DSC3: variants seen among roughly 807,000 people sequenced by gnomAD.
DSC3 encodes the protein desmocollin 3, also known as desmocollin-3.
A neutral mutation model predicts 89.5 loss-of-function variants in DSC3; 97 were observed. The ratio of observed to expected loss-of-function variants is 1.08; its 90% CI spans 0.92 to 1.28. The LOEUF is 1.28. Among genes scored for constraint, DSC3 ranks in the 50% most tolerant of loss-of-function variants. The pLI, the probability that DSC3 is intolerant of heterozygous loss-of-function variation, is 0.00. For synonymous variants in DSC3, 436 were observed against 384.1 expected (o/e 1.14, Z -1.58); for missense variants, 1,199 against 1,085.3 (o/e 1.10, Z -1.47).
At chr18:31,030,910 C>A in intron 3 of DSC3, 63 bp downstream of exon 3, 1 of 1,454,234 alleles carries the variant, frequency 6.9e-7, no homozygotes. Flanking sequence ...TTTCTCTTTG[C>A]AATTTTTAAT....
rs76765503 is a variant in DSC3 at position 31,036,712 on chromosome 18, T to A, written c.70-4436A>T. Among the ~76,000 whole-genome samples, 469 of 152,106 alleles carry A rather than the reference T, an allele frequency of 3.1e-3. 2 individuals are homozygous for A. The highest frequency in any genetic ancestry group is 0.011 in the African/African-American group (444 of 41,492). On this transcript the variant is annotated intron_variant, in intron 1 of 15. Transcript: ENST00000360428. ...ATATTAATTTAAAGAGGATTTGACA[T>A]TTAGGGCTCTTGAGACTTTCCATCC...
At chr18:31,002,996 C>T (rs1208176912) in intron 13 of DSC3, among the ~76,000 whole-genome samples, 2 of 152,306 alleles carry the variant, frequency 1.3e-5, no homozygotes, top group East Asian at 3.9e-4. Context: ...TTCCCCTTGT[C>T]CACTCTCACC....
rs374343226 is a variant in DSC3, at chr18:31,029,588, C to T, written c.395G>A (p.Arg132His). The change falls in exon 4 of 16, where the codon CGT becomes CAT. Residue 132 changes from arginine to histidine, a missense_variant. Physicochemically the swap from Arg to His is conservative, Grantham distance 29. Coordinates refer to ENST00000360428, the MANE Select transcript of DSC3 (RefSeq NM_001941.5). Reference sequence around the variant, plus strand: ...AATAGGTGCCCATCTCCTCTTGGCACGCCTGAGAACAGTTTCTCTAGTGTG... The same window carrying T: ...AATAGGTGCCCATCTCCTCTTGGCATGCCTGAGAACAGTTTCTCTAGTGTG... ...TRHTRETVLR[R>H]AKRRWAPIPC... 66 of 1,613,704 alleles carry T rather than the reference C, an allele frequency of 4.1e-5. No homozygotes were observed. In the East Asian group the frequency reaches 6.7e-4, roughly 16 times the overall value.
intron 6 of DSC3, among the ~76,000 whole-genome samples, chr18:31,022,794 C>A (rs1237438589): frequency 1.3e-5 from 2 of 152,148 alleles, no homozygotes; most frequent in East Asian, 3.9e-4. Context: ...AATTGGAATA[C>A]ATATGTGCAC....
rs1985851799 is a variant in DSC3, at chr18:31,032,994, G to A, written c.70-718C>T. On this transcript the variant is annotated intron_variant, in intron 1 of 15. Transcript: ENST00000360428. Reference sequence around the variant, plus strand: ...AGTTCAGTAAGGCTACAGGATACAAGATGAACATGTGACTGCATTTCTGTA... The same window carrying A: ...AGTTCAGTAAGGCTACAGGATACAAAATGAACATGTGACTGCATTTCTGTA... Among the ~76,000 whole-genome samples the A allele has an allele frequency of 2.6e-5, 4 of 152,052 alleles. No homozygotes were observed. In the South Asian group the frequency reaches 6.2e-4, roughly 24 times the overall value.
chr18:31,033,548 A>G (rs1054148466), intron 1 of DSC3, among the ~76,000 whole-genome samples: 2 of 152,208 alleles, frequency 1.3e-5, no homozygotes, highest in African/African-American at 2.4e-5. Context: ...TCTTCCTGAA[A>G]AAAAAGTGAA....
intron 14 of DSC3, among the ~76,000 whole-genome samples, chr18:30,997,332 G>A (rs772744143): frequency 6.6e-6 from 1 of 152,202 alleles, no homozygotes; most frequent in Non-Finnish European, 1.5e-5. Context: ...CACATTTGGC[G>A]AGGGCCCATC....
At chr18:31,010,660 G>A (rs2144696501) in intron 9 of DSC3, among the ~76,000 whole-genome samples, 1 of 152,254 alleles carries the variant, frequency 6.6e-6, no homozygotes, top group East Asian at 1.9e-4. Flanking sequence ...TCCCACATCT[G>A]CACTGAGATG....
chr18:31,003,904 T>C lies in DSC3; in HGVS notation c.2113+238A>G, dbSNP rs1313581. Among the ~76,000 whole-genome samples the C allele has an allele frequency of 0.27, 40,848 of 152,046 alleles. 5,915 individuals are homozygous for C. Among genetic ancestry groups the C allele is most frequent in the East Asian group, 0.59 (3,051 of 5,160 alleles). On this transcript the variant is annotated intron_variant, in intron 13 of 15. Transcript: ENST00000360428. The stretch of plus-strand genomic sequence containing the variant: ...AATAAAGACTATTTGTTTGTCAGAT[T>C]CTGTGAAATCTAAGGAATTTTCAAC...
chr18:31,010,259 G>GA, intron 9 of DSC3, among the ~76,000 whole-genome samples: 1 of 151,968 alleles, frequency 6.6e-6, no homozygotes, highest in Non-Finnish European at 1.5e-5. Context: ...GAGAGTCAAG[G>GA]AAAAAAATAT....
At chr18:31,026,662 G>A (rs1459498604) in intron 4 of DSC3, among the ~76,000 whole-genome samples, 1 of 152,078 alleles carries the variant, frequency 6.6e-6, no homozygotes, top group East Asian at 1.9e-4. Context: ...TGGAAGTCAA[G>A]GACACTATGT....
chr18:31,032,120 G>A (rs1234649851), intron 2 of DSC3, 72 bp downstream of exon 2: 7 of 1,059,308 alleles, frequency 6.6e-6, no homozygotes, highest in Non-Finnish European at 8.8e-6. Context: ...AAAGGCAAAG[G>A]TATTATATCA....
chr18:31,039,303 G>A (rs1986063659), intron 1 of DSC3, among the ~76,000 whole-genome samples: 1 of 152,124 alleles, frequency 6.6e-6, no homozygotes, highest in Admixed American at 6.5e-5. Context: ...GGTGTTATCT[G>A]CAGTTGTTTC....
chr18:31,031,400 T>C (rs1211199051), intron 2 of DSC3, among the ~76,000 whole-genome samples: 1 of 152,186 alleles, frequency 6.6e-6, no homozygotes, highest in Non-Finnish European at 1.5e-5. Context: ...TAAGGTGTTT[T>C]AAACCTTTAT....
At position 31,021,553 on chromosome 18, in the gene DSC3, A is replaced by G. The variant is rs148432946; in HGVS notation, c.942+783T>C. On this transcript the variant is annotated intron_variant, in intron 7 of 15. Transcript: ENST00000360428. ...TCCTTATAATATATTTTCTAGTCAT[A>G]TTGACTCTTCTATATAAGGTATTCT... Among the ~76,000 whole-genome samples, 1,377 of 152,284 alleles carry G rather than the reference A, an allele frequency of 9.0e-3. 9 individuals are homozygous for G. The highest frequency in any genetic ancestry group is 0.015 in the Non-Finnish European group (1,002 of 68,008).
At position 31,001,630 on chromosome 18, in the gene DSC3, T is replaced by C; in HGVS notation, c.2223A>G (p.Gly741=). Residue 741 remains glycine (G), a synonymous_variant, in exon 14 of 16, where the codon GGA becomes GGG. Coordinates refer to ENST00000360428, the MANE Select transcript of DSC3 (RefSeq NM_001941.5). ...AAAAATTACTTACCACTCTATCGTC[T>C]CCAGGTGCTTCTGTGTTTGATATAA... ...NLIISNTEAP[G]DDRVCSANGF... is the part of the protein sequence containing the mutation. 6.2e-7 allele frequency: 1 copy of C among 1,610,544 alleles called. No homozygotes were observed. Among genetic ancestry groups the C allele is most frequent in the South Asian group, 1.1e-5 (1 of 90,478 alleles).
chr18:31,022,993 A>T (rs1183873839), intron 6 of DSC3, among the ~76,000 whole-genome samples: 2 of 152,018 alleles, frequency 1.3e-5, no homozygotes, highest in East Asian at 3.9e-4. Context: ...CTACTTCCTG[A>T]TTTGATTTGT....
intron 1 of DSC3, among the ~76,000 whole-genome samples, chr18:31,038,050 T>C (rs995621434): frequency 1.3e-5 from 2 of 152,228 alleles, no homozygotes; most frequent in African/African-American, 4.8e-5. Flanking sequence ...CAATAATAGA[T>C]GTTCTTATGT....
At chr18:31,012,497 T>C (rs1337751025) in intron 9 of DSC3, among the ~76,000 whole-genome samples, 3 of 152,156 alleles carry the variant, frequency 2.0e-5, no homozygotes, top group African/African-American at 4.8e-5. Context: ...CTCTCCTAGA[T>C]AGTCTGGACA....
Sources: allele counts gnomAD v4.1 joint callset (sites outside exome capture counted in the v4.1 genomes callset), GRCh38; gene constraint gnomAD v4.1.1; transcripts MANE v1.5; gene names NCBI Gene and HGNC (gene_info 2026-07-23, HGNC 2026-07-21).